KSR2: variants seen among roughly 807,000 people sequenced by gnomAD.
KSR2 encodes kinase suppressor of ras 2.
KSR2 carries 25 observed loss-of-function variants against 107.8 expected under a neutral mutation model. The ratio of observed to expected loss-of-function variants is 0.23; its 90% CI spans 0.17 to 0.32. KSR2 has a LOEUF of 0.32. KSR2 is among the 10% of genes least tolerant of loss of function. KSR2 has a pLI of 1.00. For synonymous variants in KSR2, 480 were observed against 507.0 expected (o/e 0.95, Z 0.71); for missense variants, 887 against 1,268.9 (o/e 0.70, Z 4.57).
rs1474479907 is a variant in KSR2, at chr12:117,907,036, TGTATCTC to T, written c.181-46612_181-46606del. On this transcript the variant is annotated intron_variant, in intron 1 of 19. Coordinates refer to ENST00000339824, the MANE Select transcript of KSR2 (RefSeq NM_173598.6). The surrounding 1 kb of genome is among the most constrained non-coding windows in gnomAD (Gnocchi z 4.3). Reference sequence around the variant, plus strand: ...CCCTGTCCAAAAAGATCCAAAACTCTGTATCTCTAACAAGTGCTTGTGTGATGCTTCT... The same window carrying T: ...CCCTGTCCAAAAAGATCCAAAACTCTTAACAAGTGCTTGTGTGATGCTTCT... Among the ~76,000 whole-genome samples, 1 of 152,128 alleles carries T rather than the reference TGTATCTC, an allele frequency of 6.6e-6. No homozygotes were observed. The highest frequency in any genetic ancestry group is 2.4e-5 in the African/African-American group (1 of 41,434).
intron 10 of KSR2, 90 bp from the exon 11 acceptor site, chr12:117,531,797 C>A: frequency 2.3e-6 from 2 of 870,306 alleles, no homozygotes; most frequent in South Asian, 1.7e-5. Flanking sequence ...ACCACATGGT[C>A]ATTCTCTGCC....
rs180940629 is a variant in KSR2, at chr12:117,461,934, A to G, written c.*5265T>C. On this transcript the variant is annotated 3_prime_UTR_variant, in exon 20 of 20. Coordinates refer to ENST00000339824, the MANE Select transcript of KSR2 (RefSeq NM_173598.6). ...AGATAAAATCAGATGCTGTGTCACC[A>G]ACTGCTTTGGATAGGGTCATGAGGC... The G allele has an allele frequency of 6.6e-6, 1 of 152,216 alleles. No individual in the cohort carries two copies. The highest frequency in any genetic ancestry group is 2.1e-4 in the South Asian group (1 of 4,832). 9.4% of individuals were successfully genotyped at this position (152,216 alleles called of 1,614,324 possible). A position where few individuals can be genotyped will look rare whatever the true frequency, so the allele number is the denominator to read the frequency against.
chr12:117,894,296 CTG>C lies in KSR2; in HGVS notation c.181-33867_181-33866del, dbSNP rs1458084641. 1.1e-4 allele frequency among the ~76,000 whole-genome samples: 17 copies of C among 152,282 alleles called. 1 individual carries two copies. Among genetic ancestry groups the C allele is most frequent in the African/African-American group, 4.1e-4 (17 of 41,560 alleles). Reference sequence around the variant, plus strand: ...AATTGTACAAGTGCCAGGTCACAGGCTGTGTCTTTGTAAAATGTCGATATTTT... The same window carrying C: ...AATTGTACAAGTGCCAGGTCACAGGCTGTCTTTGTAAAATGTCGATATTTT... On this transcript the variant is annotated intron_variant, in intron 1 of 19. Coordinates refer to ENST00000339824, the MANE Select transcript of KSR2 (RefSeq NM_173598.6).
intron 4 of KSR2, among the ~76,000 whole-genome samples, chr12:117,712,793 C>T (rs1369506623): frequency 2.6e-5 from 4 of 151,582 alleles, no homozygotes; most frequent in Non-Finnish European, 5.9e-5. Context: ...ATTCAGAGAT[C>T]GATAGATACA....
At chr12:117,580,440 C>T (rs921192743) in intron 6 of KSR2, among the ~76,000 whole-genome samples, 8 of 152,174 alleles carry the variant, frequency 5.3e-5, no homozygotes, top group Non-Finnish European at 8.8e-5. Flanking sequence ...ATAGGAGTGG[C>T]GGGCAGGCTT....
At chr12:117,911,170 T>TCA (rs1895001128) in intron 1 of KSR2, among the ~76,000 whole-genome samples, 1 of 144,728 alleles carries the variant, frequency 6.9e-6, no homozygotes, top group African/African-American at 2.7e-5. Context: ...TCTCTCTCTC[T>TCA]CTCTCACACA....
intron 3 of KSR2, among the ~76,000 whole-genome samples, chr12:117,798,116 C>G (rs962570809): frequency 6.6e-6 from 1 of 152,146 alleles, no homozygotes; most frequent in Non-Finnish European, 1.5e-5. Flanking sequence ...ACCTTTGAAG[C>G]ATCAAATGGG....
At chr12:117,828,692 G>A (rs1400462423) in intron 3 of KSR2, among the ~76,000 whole-genome samples, 3 of 152,072 alleles carry the variant, frequency 2.0e-5, no homozygotes, top group Non-Finnish European at 4.4e-5. Flanking sequence ...TTGTTAATTC[G>A]GGGGCCCCTC....
At chr12:117,697,420 G>A (rs1450847114) in intron 4 of KSR2, among the ~76,000 whole-genome samples, 1 of 152,156 alleles carries the variant, frequency 6.6e-6, no homozygotes, top group Admixed American at 6.5e-5. Flanking sequence ...TTAGAAATAT[G>A]CATTTTCTAC....
chr12:117,706,976 G>A (rs540359542), intron 4 of KSR2, among the ~76,000 whole-genome samples: 1 of 152,278 alleles, frequency 6.6e-6, no homozygotes, highest in African/African-American at 2.4e-5. Flanking sequence ...ACTGAGGACT[G>A]GATAAACAAA....
At chr12:117,801,841 G>GCT (rs1566022971) in intron 3 of KSR2, among the ~76,000 whole-genome samples, 2 of 151,886 alleles carry the variant, frequency 1.3e-5, no homozygotes, top group South Asian at 4.2e-4. Flanking sequence ...AGTACCGTGG[G>GCT]GGGAAGAAGA....
intron 1 of KSR2, among the ~76,000 whole-genome samples, chr12:117,910,937 TA>T (rs1178557647): frequency 6.6e-6 from 1 of 152,198 alleles, no homozygotes; most frequent in Non-Finnish European, 1.5e-5. Context: ...AATTCACTAC[TA>T]GACCAACTAG....
At chr12:117,555,131 G>A in intron 9 of KSR2, 38 bp downstream of exon 9, 1 of 1,612,910 alleles carries the variant, frequency 6.2e-7, no homozygotes. Flanking sequence ...AGCAGTGCCA[G>A]CCCCACATGC....
intron 9 of KSR2, among the ~76,000 whole-genome samples, chr12:117,550,679 A>G (rs570181053): frequency 1.3e-5 from 2 of 152,370 alleles, no homozygotes; most frequent in African/African-American, 4.8e-5. Flanking sequence ...GCCAAAGGTC[A>G]TAAGGAGTAG....
chr12:117,598,342 A>G lies in KSR2; in HGVS notation c.1172-15983T>C, dbSNP rs556102634. Among the ~76,000 whole-genome samples the G allele has an allele frequency of 3.9e-5, 6 of 152,334 alleles. No individual in the cohort carries two copies. The South Asian group carries it at 1.2e-3, about 32-fold the overall frequency. On this transcript the variant is annotated intron_variant, in intron 5 of 19. Coordinates refer to ENST00000339824, the MANE Select transcript of KSR2 (RefSeq NM_173598.6). ...TCTTTTTATGGCTGAGTAGTATTCCATGGTGTATATACGTATACCACATTT... is the reference window on the plus strand; with the variant it reads ...TCTTTTTATGGCTGAGTAGTATTCCGTGGTGTATATACGTATACCACATTT...
rs961640761 is a variant in KSR2, at chr12:117,457,978, T to C, written c.*9221A>G. The C allele has an allele frequency of 3.9e-5, 6 of 152,090 alleles. No individual in the cohort carries two copies. The highest frequency in any genetic ancestry group is 2.0e-4 in the Admixed American group (3 of 15,270). 9.4% of individuals were successfully genotyped at this position (152,090 alleles called of 1,614,324 possible). On this transcript the variant is annotated 3_prime_UTR_variant, in exon 20 of 20. Coordinates refer to ENST00000339824, the MANE Select transcript of KSR2 (RefSeq NM_173598.6). ...TGGTCCCCCGTGAGTTTTCTTTCCATAGATCTACATGAGTTGCAAATTTAT... is the reference window on the plus strand; with the variant it reads ...TGGTCCCCCGTGAGTTTTCTTTCCACAGATCTACATGAGTTGCAAATTTAT...
At chr12:117,480,485 T>A (rs1872112169) in intron 16 of KSR2, among the ~76,000 whole-genome samples, 1 of 152,096 alleles carries the variant, frequency 6.6e-6, no homozygotes, top group Non-Finnish European at 1.5e-5. Context: ...AGCACTGGCA[T>A]CTAAAACGAT....
intron 5 of KSR2, among the ~76,000 whole-genome samples, chr12:117,610,129 C>A (rs368582660): frequency 4.3e-4 from 66 of 152,198 alleles, no homozygotes; most frequent in African/African-American, 1.4e-3. Flanking sequence ...CTAGATATTA[C>A]TCAGCCTCCT....
At chr12:117,497,357 C>A (rs1197925559) in intron 14 of KSR2, among the ~76,000 whole-genome samples, 2 of 152,140 alleles carry the variant, frequency 1.3e-5, no homozygotes, top group South Asian at 4.1e-4. Flanking sequence ...AATAGGATCA[C>A]CAGGGTAGGT....
Sources: allele counts gnomAD v4.1 joint callset (sites outside exome capture counted in the v4.1 genomes callset), GRCh38; gene constraint gnomAD v4.1.1; non-coding constraint Gnocchi (gnomAD v3.1); transcripts MANE v1.5; gene names NCBI Gene and HGNC (gene_info 2026-07-23, HGNC 2026-07-21).